Variants in PCDH9 observed in about 807,000 individuals in gnomAD.
PCDH9 encodes the protein protocadherin-9.
A neutral mutation model predicts 70.6 loss-of-function variants in PCDH9; 24 were observed. The ratio of observed to expected loss-of-function variants is 0.34; its 90% CI spans 0.25 to 0.48. The LOEUF (loss-of-function observed/expected upper bound fraction) is 0.48. PCDH9 is among the 20% of genes least tolerant of loss of function. The pLI is 0.99. For missense variants in PCDH9, 1,281 were observed against 1,503.6 expected, an observed-to-expected ratio of 0.85 and a Z score of 2.45; for synonymous variants, 562 against 558.5, an observed-to-expected ratio of 1.01 and a Z score of -0.09.
At chr13:66,987,287 T>A (rs893766534) in intron 2 of PCDH9, among the ~76,000 whole-genome samples, 1 of 152,022 alleles carries the variant, frequency 6.6e-6, no homozygotes, top group African/African-American at 2.4e-5. Context: ...AACACTGCTA[T>A]TTTTCTTCAG....
chr13:66,531,206 C>A (rs1376178800), intron 4 of PCDH9, among the ~76,000 whole-genome samples: 1 of 151,654 alleles, frequency 6.6e-6, no homozygotes, highest in Non-Finnish European at 1.5e-5. Flanking sequence ...TGTGATAAGA[C>A]CGGCTAGGCT....
chr13:67,176,767 G>A (rs2088472309), intron 2 of PCDH9, among the ~76,000 whole-genome samples: 2 of 151,898 alleles, frequency 1.3e-5, no homozygotes, highest in East Asian at 1.9e-4. Context: ...ACAGACATAG[G>A]CATTCTCTTT....
chr13:66,933,653 A>G (rs2082853630), intron 2 of PCDH9, among the ~76,000 whole-genome samples: 1 of 152,172 alleles, frequency 6.6e-6, no homozygotes, highest in Admixed American at 6.5e-5. Flanking sequence ...TTTTCTGTCA[A>G]GACAAAATGT....
chr13:66,785,843 C>CAA (rs1321930170), intron 3 of PCDH9, among the ~76,000 whole-genome samples: 4 of 124,160 alleles, frequency 3.2e-5, no homozygotes, highest in Non-Finnish European at 3.5e-5. Flanking sequence ...TGGGTTTTTC[C>CAA]AAAAAAAAAA....
At chr13:66,549,150 G>A (rs185605057) in intron 4 of PCDH9, among the ~76,000 whole-genome samples, 18 of 151,920 alleles carry the variant, frequency 1.2e-4, no homozygotes, top group South Asian at 2.1e-4. Flanking sequence ...ATGTATATAC[G>A]TACACAAAAT....
intron 3 of PCDH9, among the ~76,000 whole-genome samples, chr13:66,726,221 G>A (rs1243405149): frequency 2.6e-5 from 4 of 152,066 alleles, no homozygotes; most frequent in Non-Finnish European, 5.9e-5. Flanking sequence ...AAGGCAATAT[G>A]GAACAGTCAC....
chr13:66,879,190 T>C (rs2081877302), intron 3 of PCDH9, among the ~76,000 whole-genome samples: 1 of 152,306 alleles, frequency 6.6e-6, no homozygotes, highest in Non-Finnish European at 1.5e-5. Context: ...TCTATATATA[T>C]GCACAATTAT....
At chr13:66,711,630 T>C (rs1001212210) in intron 3 of PCDH9, among the ~76,000 whole-genome samples, 4 of 152,108 alleles carry the variant, frequency 2.6e-5, no homozygotes, top group Non-Finnish European at 4.4e-5. Context: ...GTGGTAGACA[T>C]TGGGTTATCT....
chr13:66,843,262 A>G (rs1343263124), intron 3 of PCDH9, among the ~76,000 whole-genome samples: 1 of 152,168 alleles, frequency 6.6e-6, no homozygotes, highest in Non-Finnish European at 1.5e-5. Flanking sequence ...ACCTCCCAAC[A>G]TCACCAACAA....
chr13:66,541,734 C>T (rs566741833), intron 4 of PCDH9, among the ~76,000 whole-genome samples: 2 of 152,254 alleles, frequency 1.3e-5, no homozygotes, highest in South Asian at 2.1e-4. Context: ...TTCCAAATAA[C>T]AGGGCCACAT....
At chr13:66,589,789 A>G (rs1383698222) in intron 4 of PCDH9, among the ~76,000 whole-genome samples, 1 of 152,090 alleles carries the variant, frequency 6.6e-6, no homozygotes, top group Non-Finnish European at 1.5e-5. Context: ...AGTTGATTGA[A>G]AAGTCCTCTA....
chr13:66,795,003 A>ACACACAC (rs1555269744), intron 3 of PCDH9, among the ~76,000 whole-genome samples: 2 of 151,626 alleles, frequency 1.3e-5, no homozygotes, highest in African/African-American at 4.8e-5. Context: ...ACACACACAC[A>ACACACAC]AATTGAAATA....
At chr13:67,070,010 G>A (rs766149937) in intron 2 of PCDH9, among the ~76,000 whole-genome samples, 13 of 151,380 alleles carry the variant, frequency 8.6e-5, no homozygotes, top group Non-Finnish European at 8.8e-5. Flanking sequence ...TAATTGAAAT[G>A]TTCTTGATTT....
At chr13:67,154,549 C>T (rs1300294673) in intron 2 of PCDH9, among the ~76,000 whole-genome samples, 4 of 121,504 alleles carry the variant, frequency 3.3e-5, no homozygotes, top group Non-Finnish European at 6.5e-5. Flanking sequence ...ACACTCCAGA[C>T]AGGGAAACAG....
intron 2 of PCDH9, among the ~76,000 whole-genome samples, chr13:67,035,485 G>A (rs988355041): frequency 2.0e-5 from 3 of 151,458 alleles, no homozygotes; most frequent in African/African-American, 7.3e-5. Flanking sequence ...CTCTTACTTT[G>A]TGAGTCTTTT....
At chr13:66,560,302 ATGG>A (rs1961952514) in intron 4 of PCDH9, among the ~76,000 whole-genome samples, 1 of 152,050 alleles carries the variant, frequency 6.6e-6, no homozygotes, top group Non-Finnish European at 1.5e-5. Flanking sequence ...TTCAGACTGC[ATGG>A]GAAGGGGGAG....
At chr13:66,509,830 A>G (rs1477360248) in intron 4 of PCDH9, among the ~76,000 whole-genome samples, 2 of 152,182 alleles carry the variant, frequency 1.3e-5, no homozygotes, top group African/African-American at 4.8e-5. Context: ...TTTCACATAG[A>G]GCCAAATGAC....
In PCDH9 at chr13:67,226,076, G is replaced by A. The variant is rs745340186; in HGVS notation, c.2365C>T (p.Arg789Cys). Residue 789 changes from arginine to cysteine, a missense_variant, in exon 2 of 5, where the codon CGC becomes TGC. By Grantham distance (180) the Arg-to-Cys change is radical. Transcript: ENST00000377865. This position sits in a 1 kb window ranked among gnomAD's most constrained non-coding sequence, Gnocchi z 5.0. ...GNASYIYDLI[R>C]RTMETPLDRN... Reference sequence around the variant, plus strand: ...TCCAACGGGGTCTCCATAGTCCTGCGGATCAAGTCATAGATATAGGAGGCA... The same window carrying A: ...TCCAACGGGGTCTCCATAGTCCTGCAGATCAAGTCATAGATATAGGAGGCA... 7 of 1,613,988 alleles carry A rather than the reference G, an allele frequency of 4.3e-6. No individual in the cohort carries two copies. Among genetic ancestry groups the A allele is most frequent in the Admixed American group, 1.7e-5 (1 of 60,010 alleles).
intron 3 of PCDH9, among the ~76,000 whole-genome samples, chr13:66,862,524 C>G (rs1165544406): frequency 6.6e-6 from 1 of 152,178 alleles, no homozygotes; most frequent in Non-Finnish European, 1.5e-5. Flanking sequence ...GTGTAGACAG[C>G]CTGCACCCCA....
Sources: allele counts gnomAD v4.1 joint callset (sites outside exome capture counted in the v4.1 genomes callset), GRCh38; gene constraint gnomAD v4.1.1; non-coding constraint Gnocchi (gnomAD v3.1); transcripts MANE v1.5; gene names NCBI Gene and HGNC (gene_info 2026-07-23, HGNC 2026-07-21).